The following DOCK11 variants were observed in gnomAD, a reference collection of about 807,000 sequenced individuals.
The protein encoded by DOCK11 is dedicator of cytokinesis protein 11.
DOCK11 carries 70 observed loss-of-function variants against 169.1 expected under a neutral mutation model. The observed-to-expected ratio is 0.41, with a 90% CI of 0.34 to 0.51. The LOEUF (loss-of-function observed/expected upper bound fraction) is 0.51. DOCK11 is among the 20% of genes least tolerant of loss of function. DOCK11 has a pLI of 0.10. For synonymous variants in DOCK11, 529 were observed against 541.3 expected (o/e 0.98, Z 0.32); for missense variants, 1,166 against 1,538.8 (o/e 0.76, Z 4.05).
intron 1 of DOCK11, among the ~76,000 whole-genome samples, chrX:118,496,302 GA>G (rs2057536529): frequency 0.031 from 1 of 32 alleles, no homozygotes; most frequent in Non-Finnish European, 0.05. Context: ...GATGGAAGCA[GA>G]CGGGCAAAAG....
intron 1 of DOCK11, among the ~76,000 whole-genome samples, chrX:118,523,959 C>A (rs1463367453): frequency 2.7e-5 from 3 of 111,390 alleles, no homozygotes; most frequent in African/African-American, 9.8e-5. Flanking sequence ...TCAGTAGTGA[C>A]AAATCTGCAT....
Position 118,638,110 on chromosome X carries a change from G to A in DOCK11, c.3984G>A (p.Gly1328=), listed in dbSNP as rs2015438028. 3.3e-6 allele frequency: 4 copies of A among 1,205,374 alleles called. No individual in the cohort carries two copies. Among genetic ancestry groups the A allele is most frequent in the Admixed American group, 4.4e-5 (2 of 45,392 alleles). ...GCTTGTTTCACTTTAGATATATGGG[G>A]AAAAGAAACATAGCAAGGTAATTCC... The part of the protein sequence containing the change: ...EVCLFHFRYM[G]KRNIARVHDA... The change falls in exon 37 of 53, where the codon GGG becomes GGA. Residue 1328 remains glycine (G), a synonymous_variant. Transcript: ENST00000276202.
chrX:118,607,418 A>ATTTTTTTTTT (rs56374019), intron 24 of DOCK11, among the ~76,000 whole-genome samples: 1 of 51,248 alleles, frequency 2.0e-5, no homozygotes, highest in Non-Finnish European at 3.4e-5. Flanking sequence ...CCGGGCCTTC[A>ATTTTTTTTTT]TTTTTTTTTT....
At chrX:118,572,809 T>G (rs753537121) in intron 11 of DOCK11, among the ~76,000 whole-genome samples, 1 of 111,869 alleles carries the variant, frequency 8.9e-6, no homozygotes, top group East Asian at 2.8e-4. Flanking sequence ...CATGAAAATC[T>G]TACCTACTCA....
At chrX:118,647,465 G>A (rs1300021827) in intron 40 of DOCK11, among the ~76,000 whole-genome samples, 10 of 78,374 alleles carry the variant, frequency 1.3e-4, no homozygotes, top group African/African-American at 2.0e-4. Flanking sequence ...GGCAAAAACC[G>A]CAATTACTTT....
chrX:118,603,815 G>T (rs1481716317), intron 23 of DOCK11, among the ~76,000 whole-genome samples: 1 of 111,908 alleles, frequency 8.9e-6, no homozygotes, highest in East Asian at 2.8e-4. Context: ...GAGTAGCCAG[G>T]ATTTGGCTAA....
chrX:118,610,242 T>C, intron 27 of DOCK11, 30 bp from the exon 28 acceptor site: 1 of 1,207,986 alleles, frequency 8.3e-7, no homozygotes, highest in South Asian at 1.8e-5. Context: ...TTTGGAAGTC[T>C]GACTTTTTTC....
rs1277712032 is a variant in DOCK11, at chrX:118,506,541, C to T, written c.102+10468C>T. Among the ~76,000 whole-genome samples the T allele has an allele frequency of 2.7e-5, 3 of 110,103 alleles. No individual in the cohort carries two copies. In the East Asian group the frequency reaches 8.6e-4, roughly 31 times the overall value. Reference sequence around the variant, plus strand: ...ATTAGCTGGGCATGGTGGTGCACGCCTGTAATCCCAGCTACTTGGGAGGCT... The same window carrying T: ...ATTAGCTGGGCATGGTGGTGCACGCTTGTAATCCCAGCTACTTGGGAGGCT... On this transcript the variant is annotated intron_variant, in intron 1 of 52. Coordinates refer to ENST00000276202, the MANE Select transcript of DOCK11 (RefSeq NM_144658.4).
At chrX:118,678,769 G>A (rs1462036865) in intron 48 of DOCK11, among the ~76,000 whole-genome samples, 1 of 107,367 alleles carries the variant, frequency 9.3e-6, no homozygotes, top group Non-Finnish European at 1.9e-5. Flanking sequence ...CACCACGCCT[G>A]GCCGCTTTTA....
chrX:118,525,451 A>G (rs1875316106), intron 1 of DOCK11, among the ~76,000 whole-genome samples: 1 of 111,821 alleles, frequency 8.9e-6, no homozygotes, highest in Non-Finnish European at 1.9e-5. Context: ...ATGATTCCAC[A>G]TATATGAGGT....
At chrX:118,643,414 C>T (rs1196478953) in intron 39 of DOCK11, 43 bp from the exon 40 acceptor site, 1 of 1,160,565 alleles carries the variant, frequency 8.6e-7, no homozygotes, top group Non-Finnish European at 1.2e-6. Flanking sequence ...TCAGTTCTGT[C>T]ATTCTCAGTG....
intron 1 of DOCK11, among the ~76,000 whole-genome samples, chrX:118,517,250 G>A (rs1044372465): frequency 9.2e-6 from 1 of 109,054 alleles, no homozygotes; most frequent in Admixed American, 1.0e-4. Flanking sequence ...GGGCATGGTG[G>A]TGTGTGCCTG....
rs139083156 is a variant in DOCK11, at chrX:118,667,725, A to G, written c.5077-3298A>G. Among the ~76,000 whole-genome samples, 577 of 111,146 alleles carry G rather than the reference A, an allele frequency of 5.2e-3. 2 individuals are homozygous for G. The highest frequency in any genetic ancestry group is 0.018 in the African/African-American group (555 of 30,636). ...TATAATCTTTAGAATCATCTTTTCT[A>G]CTTCCTCAAAATAGCCTGAGAATGG... On this transcript the variant is annotated intron_variant, in intron 45 of 52. Transcript: ENST00000276202.
chrX:118,620,335 G>C (rs370099268), intron 31 of DOCK11, among the ~76,000 whole-genome samples: 1 of 110,595 alleles, frequency 9.0e-6, no homozygotes, highest in Non-Finnish European at 1.9e-5. Context: ...ATTTATCATC[G>C]GTCATTTTGG....
intron 41 of DOCK11, among the ~76,000 whole-genome samples, chrX:118,650,610 C>T (rs1390923335): frequency 9.0e-6 from 1 of 111,595 alleles, no homozygotes; most frequent in Non-Finnish European, 1.9e-5. Context: ...TTAGAGTCAG[C>T]CATCATTACA....
At position 118,542,798 on chromosome X, in the gene DOCK11, A is replaced by AC; in HGVS notation, c.181dup (p.Leu61ProfsTer33). Reference sequence around the variant, plus strand: ...CAAAGAAAAACCCAGATTTACAGCGACCCCCTCCGAGATCTGCTTATGTTC... The same window carrying AC: ...CAAAGAAAAACCCAGATTTACAGCGACCCCCCTCCGAGATCTGCTTATGTTC... On this transcript the variant is annotated frameshift_variant, in exon 2 of 53. Transcript: ENST00000276202. LOFTEE classifies it high-confidence loss of function. 1 of 1,208,371 alleles carries AC rather than the reference A, an allele frequency of 8.3e-7. No homozygotes were observed. The highest frequency in any genetic ancestry group is 1.8e-5 in the South Asian group (1 of 56,838).
At chrX:118,593,913 T>C (rs923767317) in intron 20 of DOCK11, among the ~76,000 whole-genome samples, 2 of 112,204 alleles carry the variant, frequency 1.8e-5, no homozygotes, top group Admixed American at 9.5e-5. Flanking sequence ...TAGACTACTA[T>C]AAGCAACATA....
chrX:118,618,473 T>C, intron 30 of DOCK11, 77 bp from the exon 31 acceptor site: 1 of 755,394 alleles, frequency 1.3e-6, no homozygotes, highest in Non-Finnish European at 1.9e-6. Flanking sequence ...CACATATTAT[T>C]AAATAATACA....
chrX:118,612,786 C>T (rs185967343), intron 28 of DOCK11, among the ~76,000 whole-genome samples: 1 of 111,581 alleles, frequency 9.0e-6, no homozygotes, highest in East Asian at 2.8e-4. Context: ...AGTGAAAAGT[C>T]GTGTGATGAG....
Sources: allele counts gnomAD v4.1 joint callset (sites outside exome capture counted in the v4.1 genomes callset), GRCh38; gene constraint gnomAD v4.1.1; transcripts MANE v1.5; gene names NCBI Gene and HGNC (gene_info 2026-07-23, HGNC 2026-07-21).